The following CLVS1 variants were observed in gnomAD, a reference collection of about 807,000 sequenced individuals.
CLVS1 encodes clavesin-1.
A neutral mutation model predicts 33.1 loss-of-function variants in CLVS1; 10 were observed. That is an observed-to-expected ratio of 0.30 (90% CI 0.19 to 0.51). The LOEUF is 0.51. Ranked by LOEUF, CLVS1 falls within the 20% of genes least tolerant of loss-of-function variation. CLVS1 has a pLI of 0.97. For missense variants in CLVS1, 343 were observed against 433.4 expected, an observed-to-expected ratio of 0.79 and a Z score of 1.85; for synonymous variants, 163 against 166.1, an observed-to-expected ratio of 0.98 and a Z score of 0.14.
upstream of CLVS1, among the ~76,000 whole-genome samples, chr8:61,286,278 G>A (rs140034574): frequency 7.9e-5 from 12 of 152,246 alleles, no homozygotes; most frequent in Admixed American, 2.0e-4. Flanking sequence ...TAATAGGGCT[G>A]GAAAGTGTGG....
chr8:61,165,760 T>C (rs1585656266), intron 2 of CLVS1, among the ~76,000 whole-genome samples: 1 of 152,228 alleles, frequency 6.6e-6, no homozygotes, highest in East Asian at 1.9e-4. Context: ...TCTCAGGACC[T>C]CCTGAGGGCT....
intron 2 of CLVS1, among the ~76,000 whole-genome samples, chr8:61,317,620 G>T (rs148249201): frequency 5.3e-5 from 8 of 152,204 alleles, no homozygotes; most frequent in Non-Finnish European, 1.0e-4. Context: ...ACCGCTGTTG[G>T]TCTGAACAAG....
At chr8:61,467,646 AC>A (rs1817595165) in intron 5 of CLVS1, among the ~76,000 whole-genome samples, 1 of 152,140 alleles carries the variant, frequency 6.6e-6, no homozygotes, top group African/African-American at 2.4e-5. Context: ...GTATATCCCC[AC>A]CATACAGGAA....
At position 61,301,571 on chromosome 8, in the gene CLVS1, A is replaced by T. The variant is rs1283364548; in HGVS notation, c.455+1289A>T. On this transcript the variant is annotated intron_variant, in intron 2 of 5. Coordinates refer to ENST00000325897, the MANE Select transcript of CLVS1 (RefSeq NM_173519.3). ...ATATTAATGACAAGCTCTGCTAAGC[A>T]TAAATATATATTACCTCATTTAACC... Among the ~76,000 whole-genome samples the T allele has an allele frequency of 2.0e-5, 3 of 152,244 alleles. No individual in the cohort carries two copies. In the East Asian group the frequency reaches 5.8e-4, roughly 29 times the overall value.
At chr8:61,022,592 T>C in the CLVS1 span, among the ~76,000 whole-genome samples, 2 of 152,236 alleles carry the variant, frequency 1.3e-5, no homozygotes, top group Non-Finnish European at 2.9e-5. Context: ...GCTACTCTTG[T>C]TGCTTTTTGG....
At chr8:61,371,916 G>GA (rs1057399958) in intron 2 of CLVS1, among the ~76,000 whole-genome samples, 5 of 151,896 alleles carry the variant, frequency 3.3e-5, no homozygotes, top group African/African-American at 1.2e-4. Context: ...CCTTTATGGG[G>GA]AAAAAATTTA....
intron 2 of CLVS1, among the ~76,000 whole-genome samples, chr8:61,206,405 A>G (rs964375366): frequency 2.6e-4 from 40 of 152,080 alleles, no homozygotes; most frequent in African/African-American, 9.7e-4. Flanking sequence ...AAGTACAGGG[A>G]TATCAGTTTT....
At chr8:60,968,792 G>A in the CLVS1 span, among the ~76,000 whole-genome samples, 1 of 152,060 alleles carries the variant, frequency 6.6e-6, no homozygotes, top group East Asian at 1.9e-4. Flanking sequence ...GGGAGGCTGA[G>A]GTGGGAGAAT....
At chr8:61,458,237 G>A in intron 4 of CLVS1, 70 bp from the exon 5 acceptor site, 1 of 1,125,918 alleles carries the variant, frequency 8.9e-7, no homozygotes. Flanking sequence ...GCTAAATTGT[G>A]TATTAGATGA....
At chr8:61,233,427 C>T (rs1205785811) in intron 2 of CLVS1, among the ~76,000 whole-genome samples, 2 of 150,942 alleles carry the variant, frequency 1.3e-5, no homozygotes, top group Admixed American at 1.3e-4. Flanking sequence ...AACTCTTTCT[C>T]CTTTCTCTTG....
intron 3 of CLVS1, among the ~76,000 whole-genome samples, chr8:61,443,293 T>G (rs1816636179): frequency 6.6e-6 from 1 of 152,246 alleles, no homozygotes; most frequent in Non-Finnish European, 1.5e-5. Context: ...TGGAGGCAAG[T>G]CTAAGAACCT....
chr8:61,445,396 C>T (rs1230491863), intron 3 of CLVS1, among the ~76,000 whole-genome samples: 3 of 152,108 alleles, frequency 2.0e-5, no homozygotes, highest in Non-Finnish European at 2.9e-5. Context: ...ATGGTAATGA[C>T]TTCTCACTCT....
chr8:61,325,344 G>A lies in CLVS1; in HGVS notation c.455+25062G>A, dbSNP rs1021892209. ...GTACACCTTTAATATGTACAACTTT[G>A]TCAATTTTACCTCAATAAGAGAAAT... On this transcript the variant is annotated intron_variant, in intron 2 of 5. Transcript: ENST00000325897. Among the ~76,000 whole-genome samples the A allele has an allele frequency of 3.9e-5, 6 of 152,030 alleles. 1 individual carries two copies. The highest frequency in any genetic ancestry group is 1.4e-4 in the African/African-American group (6 of 41,394).
At chr8:61,009,548 A>G in the CLVS1 span, among the ~76,000 whole-genome samples, 1 of 151,804 alleles carries the variant, frequency 6.6e-6, no homozygotes, top group African/African-American at 2.4e-5. Flanking sequence ...CTTTTTTCAT[A>G]TATTTATTAG....
At chr8:61,304,269 T>C (rs893393718) in intron 2 of CLVS1, among the ~76,000 whole-genome samples, 16 of 152,220 alleles carry the variant, frequency 1.1e-4, no homozygotes, top group Non-Finnish European at 2.2e-4. Flanking sequence ...CTCAGAACAG[T>C]GAGCAATGGG....
chr8:61,343,992 T>C (rs928332016), intron 2 of CLVS1, among the ~76,000 whole-genome samples: 4 of 152,168 alleles, frequency 2.6e-5, no homozygotes, highest in Non-Finnish European at 5.9e-5. Context: ...CACACATTCT[T>C]AATCTAAAAT....
At chr8:61,068,722 T>C (rs1804732065) in intron 1 of CLVS1, among the ~76,000 whole-genome samples, 1 of 152,168 alleles carries the variant, frequency 6.6e-6, no homozygotes, top group Non-Finnish European at 1.5e-5. Flanking sequence ...CCAGGGGAGA[T>C]AAGGTGGCCT....
At chr8:61,277,093 A>G (rs1809573619) in intron 2 of CLVS1, among the ~76,000 whole-genome samples, 1 of 152,066 alleles carries the variant, frequency 6.6e-6, no homozygotes, top group African/African-American at 2.4e-5. Flanking sequence ...AGTCTTGCTG[A>G]CTCCAGAGCC....
At chr8:61,358,147 A>G (rs907472028) in intron 2 of CLVS1, among the ~76,000 whole-genome samples, 1 of 152,224 alleles carries the variant, frequency 6.6e-6, no homozygotes, top group South Asian at 2.1e-4. Context: ...TCCAATCTGG[A>G]TCTTTCAAAC....
Sources: gnomAD v4.1 joint callset for allele counts (sites outside exome capture counted in the v4.1 genomes callset) on GRCh38, gnomAD v4.1.1 for gene constraint, MANE v1.5 for transcripts, NCBI Gene and HGNC (gene_info 2026-07-23, HGNC 2026-07-21) for gene names.